The following CD80 variants were observed in gnomAD, a reference collection of about 807,000 sequenced individuals.
CD80 encodes the protein CD80 molecule.
Under a neutral mutation model 27.1 loss-of-function variants are expected in CD80, and 13 were observed. The observed-to-expected ratio is 0.48, with a 90% CI of 0.31 to 0.76. The LOEUF (loss-of-function observed/expected upper bound fraction) is 0.76. Among genes scored for constraint, CD80 ranks in the 30% least tolerant of loss-of-function variants. CD80 has a pLI of 0.04. For synonymous variants in CD80, 125 were observed against 125.5 expected (o/e 1.00, Z 0.03); for missense variants, 277 against 347.9 (o/e 0.80, Z 1.62).
At chr3:119,529,045 G>A (rs1277035564) in intron 5 of CD80, among the ~76,000 whole-genome samples, 3 of 151,788 alleles carry the variant, frequency 2.0e-5, no homozygotes, top group African/African-American at 4.8e-5. Context: ...GGGTTCCTGG[G>A]TTCAAGCAAT....
intron 2 of CD80, among the ~76,000 whole-genome samples, chr3:119,545,279 G>A (rs1240161588): frequency 1.3e-5 from 2 of 152,066 alleles, no homozygotes; most frequent in Non-Finnish European, 2.9e-5. Flanking sequence ...AGGAGGCGGA[G>A]GTTGCAGTAA....
intron 2 of CD80, among the ~76,000 whole-genome samples, chr3:119,551,067 G>T (rs1260470332): frequency 1.3e-5 from 2 of 152,228 alleles, no homozygotes; most frequent in African/African-American, 4.8e-5. Context: ...TACGTATGGA[G>T]CTATGGAGCA....
chr3:119,548,129 C>T (rs1427316824), intron 2 of CD80, among the ~76,000 whole-genome samples: 3 of 152,092 alleles, frequency 2.0e-5, no homozygotes, highest in East Asian at 1.9e-4. Context: ...TACAGGCGCC[C>T]GCCATCATGC....
rs1339937903 is a variant in CD80 at position 119,537,177 on chromosome 3, A to G, written c.660T>C (p.Tyr220=). ...TNHSFMCLIK[Y]GHLRVNQTFN... ...AGGTCTGATTCACTCTTAAATGTCC[A>G]TACTTGATGAGACACATGAAGCTGT... The change falls in exon 4 of 7, where the codon TAT becomes TAC. Residue 220 remains tyrosine (Y), a synonymous_variant. Transcript: ENST00000264246. 1.2e-6 allele frequency: 2 copies of G among 1,614,110 alleles called. No individual in the cohort carries two copies. Among genetic ancestry groups the G allele is most frequent in the South Asian group, 2.2e-5 (2 of 91,078 alleles).
intron 1 of CD80, 90 bp downstream of exon 1, chr3:119,559,350 A>C (rs1359752689): frequency 6.6e-6 from 1 of 152,216 alleles, no homozygotes; most frequent in Non-Finnish European, 1.5e-5. Flanking sequence ...AGGTGGTAGC[A>C]GAGGTATTGT....
intron 4 of CD80, among the ~76,000 whole-genome samples, chr3:119,534,853 T>A (rs2107741234): frequency 6.6e-6 from 1 of 152,286 alleles, no homozygotes; most frequent in South Asian, 2.1e-4. Flanking sequence ...TGGTTTATAT[T>A]TGAACTAATT....
intron 4 of CD80, among the ~76,000 whole-genome samples, chr3:119,536,255 A>G (rs2082137436): frequency 6.6e-6 from 1 of 152,062 alleles, no homozygotes; most frequent in African/African-American, 2.4e-5. Flanking sequence ...TGTCTCAAAA[A>G]AATAAATAAA....
intron 2 of CD80, among the ~76,000 whole-genome samples, chr3:119,550,821 G>T (rs6808536): frequency 0.11 from 16,556 of 145,100 alleles, 1,156 homozygotes; most frequent in Non-Finnish European, 0.17. Flanking sequence ...GAGGGAGCCA[G>T]TGTCTTCCCC....
At chr3:119,543,722 G>T (rs2107744549) in intron 3 of CD80, among the ~76,000 whole-genome samples, 1 of 151,302 alleles carries the variant, frequency 6.6e-6, no homozygotes, top group East Asian at 2.0e-4. Flanking sequence ...CACCGCACCT[G>T]GCCCAATTCT....
Position 119,544,878 on chromosome 3 carries a change from G to A in CD80, c.101-11C>T. 1 of 1,607,166 alleles carries A rather than the reference G, an allele frequency of 6.2e-7. No homozygotes were observed. The highest frequency in any genetic ancestry group is 1.1e-5 in the South Asian group (1 of 90,722). Reference sequence around the variant, plus strand: ...TCACGTGGATAACACCTATGGAGAGGCAAACAGAACAAGATTGTATATTTA... The same window carrying A: ...TCACGTGGATAACACCTATGGAGAGACAAACAGAACAAGATTGTATATTTA... On this transcript the variant is annotated splice_polypyrimidine_tract_variant and intron_variant, in intron 2 of 6. Coordinates refer to ENST00000264246, the MANE Select transcript of CD80 (RefSeq NM_005191.4).
intron 2 of CD80, among the ~76,000 whole-genome samples, 177 bp from the exon 3 acceptor site, chr3:119,545,044 G>T (rs1242589705): frequency 1.3e-5 from 2 of 152,026 alleles, no homozygotes; most frequent in Non-Finnish European, 2.9e-5. Flanking sequence ...TTTAAAAATT[G>T]TGGTAAAAAA....
chr3:119,527,528 A>G (rs2082073609), intron 6 of CD80: 1 of 475,738 alleles, frequency 2.1e-6, no homozygotes, highest in African/African-American at 2.0e-5. Context: ...CAGAATGGAA[A>G]CATGGCAAAA....
intron 2 of CD80, among the ~76,000 whole-genome samples, chr3:119,548,895 G>A (rs1272483439): frequency 6.6e-6 from 1 of 152,096 alleles, no homozygotes; most frequent in Non-Finnish European, 1.5e-5. Flanking sequence ...AAATTAGCCG[G>A]GCATGTTGGG....
At chr3:119,552,980 T>C (rs1050145277) in intron 2 of CD80, among the ~76,000 whole-genome samples, 3 of 151,922 alleles carry the variant, frequency 2.0e-5, no homozygotes, top group Admixed American at 6.6e-5. Flanking sequence ...TAGCTGCAAA[T>C]AGGCGCAGGT....
At chr3:119,541,702 T>A (rs951637938) in intron 3 of CD80, among the ~76,000 whole-genome samples, 1 of 152,254 alleles carries the variant, frequency 6.6e-6, no homozygotes, top group African/African-American at 2.4e-5. Context: ...CATAGGCTTA[T>A]AAGCATTTGA....
intron 2 of CD80, among the ~76,000 whole-genome samples, chr3:119,547,760 A>G (rs2082209437): frequency 6.6e-6 from 1 of 152,162 alleles, no homozygotes. Context: ...TGAATTCAAT[A>G]TATTAGCAGC....
chr3:119,541,402 A>G (rs2082167760), intron 3 of CD80, among the ~76,000 whole-genome samples: 1 of 152,148 alleles, frequency 6.6e-6, no homozygotes, highest in Admixed American at 6.5e-5. Context: ...TTATATTACC[A>G]TTTTGCAATC....
chr3:119,548,573 A>G (rs180821794), intron 2 of CD80, among the ~76,000 whole-genome samples: 10 of 152,334 alleles, frequency 6.6e-5, no homozygotes, highest in Admixed American at 6.5e-4. Flanking sequence ...TGAGCTGAGG[A>G]AAAGAAACTG....
intron 2 of CD80, among the ~76,000 whole-genome samples, chr3:119,547,150 A>C (rs1326164255): frequency 6.6e-6 from 1 of 152,246 alleles, no homozygotes; most frequent in Non-Finnish European, 1.5e-5. Context: ...TTGTTGGTAT[A>C]GAAAGAACAT....
Sources: allele counts gnomAD v4.1 joint callset (sites outside exome capture counted in the v4.1 genomes callset), GRCh38; gene constraint gnomAD v4.1.1; transcripts MANE v1.5; gene names NCBI Gene and HGNC (gene_info 2026-07-23, HGNC 2026-07-21).